The following JMJD1C variants were observed in gnomAD, a reference collection of about 807,000 sequenced individuals.
The protein encoded by JMJD1C is jumonji domain-containing protein 1C.
In JMJD1C, 31 loss-of-function variants were observed where a neutral mutation model predicts 245.3. The observed-to-expected ratio is 0.13, with a 90% confidence interval of 0.09 to 0.17. The LOEUF (loss-of-function observed/expected upper bound fraction) is 0.17. Among genes scored for constraint, JMJD1C ranks in the 10% least tolerant of loss-of-function variants. The pLI is 1.00. For synonymous variants in JMJD1C, 1,057 were observed against 1,017.4 expected (o/e 1.04, Z -0.74); for missense variants, 2,691 against 3,000.2 (o/e 0.90, Z 2.41).
intron 1 of JMJD1C, among the ~76,000 whole-genome samples, chr10:63,432,818 T>C (rs529080462): frequency 6.6e-6 from 1 of 152,338 alleles, no homozygotes; most frequent in Non-Finnish European, 1.5e-5. Flanking sequence ...ACAGAACTTT[T>C]AGATTACACC....
rs370953838 is a variant in JMJD1C at position 63,215,273 on chromosome 10, T to C, written c.1005A>G (p.Ile335Met). ...AAAAGTGGGTCCTACCTCCTCGTGA[T>C]ATATAATCATATTTTTCCTCCTTCA... is the stretch of plus-strand genomic sequence containing the variant. ...EKMKEEKYDYISRGENPKGKN... is the reference protein window; with the variant it reads ...EKMKEEKYDYMSRGENPKGKN... The change falls in exon 7 of 26, where the codon ATA (isoleucine) becomes ATG (methionine). Residue 335 changes from isoleucine (I) to methionine (M), a missense_variant. Around this residue, in one of 9 missense-constraint regions of JMJD1C, gnomAD observed 1,562 missense variants for 1,490.7 expected, o/e 1.05. Coordinates refer to ENST00000399262, the MANE Select transcript of JMJD1C (RefSeq NM_032776.3). The C allele has an allele frequency of 6.2e-7, 1 of 1,613,412 alleles. No individual in the cohort carries two copies. Among genetic ancestry groups the C allele is most frequent in the Non-Finnish European group, 8.5e-7 (1 of 1,179,660 alleles).
intron 2 of JMJD1C, among the ~76,000 whole-genome samples, chr10:63,284,285 C>CA (rs1857727786): frequency 1.3e-5 from 2 of 152,284 alleles, no homozygotes; most frequent in South Asian, 4.1e-4. Context: ...CTCATCTTAC[C>CA]AAAGTGCTGG....
chr10:63,239,491 C>T (rs1055360801), intron 3 of JMJD1C, among the ~76,000 whole-genome samples: 4 of 152,118 alleles, frequency 2.6e-5, no homozygotes, highest in African/African-American at 9.7e-5. Flanking sequence ...GTCACCCAGG[C>T]TGGAGTGCTG....
At chr10:63,439,423 C>T (rs571783571) in intron 1 of JMJD1C, among the ~76,000 whole-genome samples, 3 of 152,202 alleles carry the variant, frequency 2.0e-5, no homozygotes, top group East Asian at 3.9e-4. Flanking sequence ...AAGAGAAATG[C>T]GTTCTTTTTA....
At chr10:63,390,710 G>A (rs1055502037) in intron 1 of JMJD1C, among the ~76,000 whole-genome samples, 3 of 152,110 alleles carry the variant, frequency 2.0e-5, no homozygotes, top group Non-Finnish European at 4.4e-5. Context: ...TTTTCCCAGG[G>A]ATGCAAGGAT....
chr10:63,318,434 A>G (rs188363367), intron 2 of JMJD1C, among the ~76,000 whole-genome samples: 535 of 152,018 alleles, frequency 3.5e-3, no homozygotes, highest in Middle Eastern at 6.8e-3. Flanking sequence ...TATATTTTAC[A>G]TTTCTCTTAT....
chr10:63,214,755 G>A lies in JMJD1C; in HGVS notation c.1412C>T (p.Ser471Phe). ...AAGTAAATCATTAGAATTATGATCA[G>A]AAACTGTGGACTGTTCTGACGAATG... ...IIHSSEQSTV[S>F]DHNSNDLLPQ... The change falls in exon 8 of 26, where the codon TCT becomes TTT. Residue 471 changes from serine to phenylalanine, a missense_variant. By Grantham distance (155) the Ser-to-Phe change is radical (BLOSUM62 -2). Transcript: ENST00000399262. 1 of 1,613,800 alleles carries A rather than the reference G, an allele frequency of 6.2e-7. No individual in the cohort carries two copies. Among genetic ancestry groups the A allele is most frequent in the Non-Finnish European group, 8.5e-7 (1 of 1,179,876 alleles).
At chr10:63,498,702 T>A (rs1954439155) in intron 1 of JMJD1C, among the ~76,000 whole-genome samples, 1 of 152,112 alleles carries the variant, frequency 6.6e-6, no homozygotes, top group Non-Finnish European at 1.5e-5. Flanking sequence ...CTAGGACTCC[T>A]ATTTTTTTTT....
rs73296550 is a variant in JMJD1C at position 63,424,042 on chromosome 10, T to C, written c.168+41453A>G. Among the ~76,000 whole-genome samples, 532 of 152,312 alleles carry C rather than the reference T, an allele frequency of 3.5e-3. 2 individuals are homozygous for C. Among genetic ancestry groups the C allele is most frequent in the African/African-American group, 0.012 (484 of 41,562 alleles). On this transcript the variant is annotated intron_variant, in intron 1 of 25. Coordinates refer to ENST00000399262, the MANE Select transcript of JMJD1C (RefSeq NM_032776.3). ...TTTATATATTCTGCATATTAAACCATTGTCAGACATATGATTGTGTGTATT... is the reference window on the plus strand; with the variant it reads ...TTTATATATTCTGCATATTAAACCACTGTCAGACATATGATTGTGTGTATT...
At chr10:63,226,412 G>T (rs997397865) in intron 3 of JMJD1C, among the ~76,000 whole-genome samples, 1 of 151,928 alleles carries the variant, frequency 6.6e-6, no homozygotes, top group African/African-American at 2.4e-5. Flanking sequence ...TTTTTCACGT[G>T]TACAGGAGGG....
chr10:63,306,185 G>C lies in JMJD1C; in HGVS notation c.334-41421C>G, dbSNP rs918819579. 3.3e-5 allele frequency among the ~76,000 whole-genome samples: 5 copies of C among 152,032 alleles called. No individual in the cohort carries two copies. The South Asian group carries it at 1.0e-3, about 31-fold the overall frequency. ...ACTCACTGCAACCTCCGCCTCCCAGGCTCAAGCAGTTCTCCTGCCTCAGCC... is the reference window on the plus strand; with the variant it reads ...ACTCACTGCAACCTCCGCCTCCCAGCCTCAAGCAGTTCTCCTGCCTCAGCC... On this transcript the variant is annotated intron_variant, in intron 2 of 25. Transcript: ENST00000399262.
intron 2 of JMJD1C, among the ~76,000 whole-genome samples, chr10:63,316,183 C>T (rs991272761): frequency 6.6e-6 from 1 of 152,140 alleles, no homozygotes; most frequent in East Asian, 1.9e-4. Flanking sequence ...AAAGCAAACA[C>T]GCAAACAAAA....
At chr10:63,267,927 G>A (rs979554489) in intron 2 of JMJD1C, among the ~76,000 whole-genome samples, 7 of 152,058 alleles carry the variant, frequency 4.6e-5, no homozygotes, top group African/African-American at 9.7e-5. Context: ...ACATGAGGAA[G>A]ACGCGAACAG....
At chr10:63,442,716 C>A (rs1951463067) in intron 1 of JMJD1C, among the ~76,000 whole-genome samples, 1 of 152,214 alleles carries the variant, frequency 6.6e-6, no homozygotes, top group African/African-American at 2.4e-5. Flanking sequence ...TCTTACCCAT[C>A]CTTTATATAA....
chr10:63,277,550 ATAAC>A (rs1856922228), intron 2 of JMJD1C, among the ~76,000 whole-genome samples: 1 of 152,110 alleles, frequency 6.6e-6, no homozygotes, highest in Admixed American at 6.6e-5. Context: ...GATTCTCAGA[ATAAC>A]TAGCTCAAAA....
intron 3 of JMJD1C, chr10:63,222,199 C>T: frequency 1.3e-6 from 1 of 757,734 alleles, no homozygotes; most frequent in South Asian, 1.3e-5. Context: ...ACTTGACTGA[C>T]ACCATGTTCA....
At chr10:63,307,040 T>G (rs1411483419) in intron 2 of JMJD1C, among the ~76,000 whole-genome samples, 1 of 152,228 alleles carries the variant, frequency 6.6e-6, no homozygotes. Flanking sequence ...AAAACCATTT[T>G]TCTGATATTA....
Position 63,209,229 on chromosome 10 carries a change from G to A in JMJD1C, c.2701C>T (p.Pro901Ser), listed in dbSNP as rs893685867. 4 of 1,597,508 alleles carry A rather than the reference G, an allele frequency of 2.5e-6. No individual in the cohort carries two copies. In the African/African-American group the frequency reaches 5.4e-5, roughly 22 times the overall value. The change falls in exon 9 of 26, where the codon CCC becomes TCC. Residue 901 changes from proline (P) to serine (S), a missense_variant. By Grantham distance (74) the Pro-to-Ser change is moderately conservative (BLOSUM62 -1). Coordinates refer to ENST00000399262, the MANE Select transcript of JMJD1C (RefSeq NM_032776.3). Reference sequence around the variant, plus strand: ...GTGGGCTGATGTAGCCAAGGACTGGGAGAATTCTATTAACAAAACAAAACA... The same window carrying A: ...GTGGGCTGATGTAGCCAAGGACTGGAAGAATTCTATTAACAAAACAAAACA... ...NAEASLRRNSPSPWLHQPTPV... is the reference protein window; with the variant it reads ...NAEASLRRNSSSPWLHQPTPV...
intron 1 of JMJD1C, among the ~76,000 whole-genome samples, chr10:63,474,004 T>C (rs1293461897): frequency 4.0e-5 from 6 of 151,560 alleles, no homozygotes; most frequent in Admixed American, 6.6e-5. Context: ...GATTGCGCTA[T>C]TGCACTCCAG....
Sources: gnomAD v4.1 joint callset for allele counts (sites outside exome capture counted in the v4.1 genomes callset) on GRCh38, gnomAD v4.1.1 for gene constraint, gnomAD v4.1.1 regional missense constraint, MANE v1.5 for transcripts, NCBI Gene and HGNC (gene_info 2026-07-23, HGNC 2026-07-21) for gene names.